The following DYNC1I1 variants were observed in gnomAD, a reference collection of about 807,000 sequenced individuals.
DYNC1I1 encodes the protein cytoplasmic dynein 1 intermediate chain 1.
DYNC1I1 carries 43 observed loss-of-function variants against 86.6 expected under a neutral mutation model. The ratio of observed to expected loss-of-function variants is 0.50; its 90% CI spans 0.39 to 0.64. The LOEUF (loss-of-function observed/expected upper bound fraction) is 0.64, where lower values mean the gene tolerates loss of function less well. DYNC1I1 is among the 30% of genes least tolerant of loss of function. The pLI is 0.00. For missense variants in DYNC1I1, 604 were observed against 788.8 expected (o/e 0.77, Z 2.81); for synonymous variants, 262 against 283.7 (o/e 0.92, Z 0.77).
intron 6 of DYNC1I1, among the ~76,000 whole-genome samples, chr7:95,928,293 A>G (rs1791798822): frequency 6.6e-6 from 1 of 152,182 alleles, no homozygotes; most frequent in South Asian, 2.1e-4. Context: ...AACCTCCTCC[A>G]GGTATTTTCT....
At chr7:96,050,200 G>A (rs539620488) in intron 14 of DYNC1I1, among the ~76,000 whole-genome samples, 98 of 152,242 alleles carry the variant, frequency 6.4e-4, no homozygotes, top group Non-Finnish European at 1.1e-3. Context: ...AAGGAAGTCT[G>A]TATTCGAGGG....
intron 10 of DYNC1I1, among the ~76,000 whole-genome samples, chr7:95,999,756 C>T (rs1793964345): frequency 6.6e-6 from 1 of 152,094 alleles, no homozygotes; most frequent in Non-Finnish European, 1.5e-5. Flanking sequence ...TGCTGAGTGA[C>T]CCTGGGTGAG....
At chr7:96,001,622 C>T (rs1408595662) in intron 10 of DYNC1I1, among the ~76,000 whole-genome samples, 2 of 152,146 alleles carry the variant, frequency 1.3e-5, no homozygotes, top group Admixed American at 1.3e-4. Flanking sequence ...TAGCCTTACA[C>T]ATAATGTAAT....
chr7:95,949,974 CT>C (rs59942915), intron 6 of DYNC1I1, among the ~76,000 whole-genome samples: 96,931 of 149,934 alleles, frequency 0.65, 32,718 homozygotes, highest in East Asian at 0.86. Flanking sequence ...TCTCATCTTT[CT>C]TTTTTTTTTT....
At chr7:96,029,372 G>A (rs1454067594) in intron 11 of DYNC1I1, among the ~76,000 whole-genome samples, 2 of 152,244 alleles carry the variant, frequency 1.3e-5, no homozygotes, top group East Asian at 3.9e-4. Flanking sequence ...GCTTGATGCA[G>A]GTGTTTGGTG....
At chr7:96,093,171 A>G (rs2116320776) in intron 16 of DYNC1I1, among the ~76,000 whole-genome samples, 2 of 152,314 alleles carry the variant, frequency 1.3e-5, no homozygotes, top group East Asian at 1.9e-4. Flanking sequence ...GTTCAATTTG[A>G]CTGACAATTT....
At chr7:95,989,864 T>C (rs556910738) in intron 9 of DYNC1I1, among the ~76,000 whole-genome samples, 1 of 152,250 alleles carries the variant, frequency 6.6e-6, no homozygotes, top group East Asian at 1.9e-4. Context: ...CACAACACTG[T>C]TGAGGGGTTC....
At chr7:95,888,633 GA>G (rs1298866111) in intron 6 of DYNC1I1, among the ~76,000 whole-genome samples, 6 of 151,920 alleles carry the variant, frequency 3.9e-5, no homozygotes, top group Admixed American at 3.9e-4. Flanking sequence ...ATTTTTCTTA[GA>G]CAAAAAAATT....
chr7:96,025,320 A>T (rs1794650757), intron 10 of DYNC1I1, among the ~76,000 whole-genome samples: 1 of 151,920 alleles, frequency 6.6e-6, no homozygotes, highest in Non-Finnish European at 1.5e-5. Context: ...CATATATGTC[A>T]TGTAATACAT....
intron 5 of DYNC1I1, among the ~76,000 whole-genome samples, chr7:95,847,931 A>G (rs1290890939): frequency 1.3e-5 from 2 of 151,976 alleles, no homozygotes; most frequent in Non-Finnish European, 2.9e-5. Flanking sequence ...TTATTATGTG[A>G]CTCACCCATG....
chr7:95,934,388 A>G (rs2116420500), intron 6 of DYNC1I1, among the ~76,000 whole-genome samples: 1 of 152,330 alleles, frequency 6.6e-6, no homozygotes, highest in East Asian at 1.9e-4. Flanking sequence ...TCAACATATA[A>G]GTGGGAATTT....
intron 5 of DYNC1I1, among the ~76,000 whole-genome samples, chr7:95,867,472 A>G (rs1790043563): frequency 6.6e-6 from 1 of 152,228 alleles, no homozygotes; most frequent in Non-Finnish European, 1.5e-5. Flanking sequence ...CTATGAACCC[A>G]GTTTCAGAAT....
chr7:95,976,813 G>A (rs1793315566), intron 6 of DYNC1I1, among the ~76,000 whole-genome samples: 1 of 152,166 alleles, frequency 6.6e-6, no homozygotes, highest in South Asian at 2.1e-4. Flanking sequence ...TCTAGGAAAG[G>A]CAAGTTGAGA....
intron 16 of DYNC1I1, among the ~76,000 whole-genome samples, chr7:96,108,250 T>C (rs557170048): frequency 3.3e-5 from 5 of 152,176 alleles, no homozygotes; most frequent in Admixed American, 2.6e-4. Flanking sequence ...TTTGAGTGTA[T>C]GTTTACTGTC....
At chr7:95,908,775 C>T (rs1036344181) in intron 6 of DYNC1I1, among the ~76,000 whole-genome samples, 1 of 152,066 alleles carries the variant, frequency 6.6e-6, no homozygotes, top group East Asian at 1.9e-4. Context: ...GCAGAGTGCT[C>T]GGCAGGGCAT....
At chr7:96,107,999 C>CT (rs1287534054) in intron 16 of DYNC1I1, among the ~76,000 whole-genome samples, 1 of 150,768 alleles carries the variant, frequency 6.6e-6, no homozygotes, top group Admixed American at 6.7e-5. Flanking sequence ...TTGCTTCTCT[C>CT]TTGCTGCCTT....
intron 1 of DYNC1I1, chr7:95,804,517 TA>T: frequency 1.1e-6 from 1 of 874,296 alleles, no homozygotes; most frequent in Non-Finnish European, 1.6e-6. Context: ...TATATATACC[TA>T]AAAGGGAAAT....
chr7:95,986,942 A>G (rs1393490864), intron 8 of DYNC1I1, 114 bp from the exon 9 acceptor site: 1 of 839,370 alleles, frequency 1.2e-6, no homozygotes, highest in Non-Finnish European at 2.0e-6. Context: ...AGTCTAGATT[A>G]ACATTTTGGC....
intron 1 of DYNC1I1, among the ~76,000 whole-genome samples, chr7:95,791,798 A>G (rs1245616185): frequency 6.6e-6 from 1 of 152,210 alleles, no homozygotes; most frequent in Non-Finnish European, 1.5e-5. Flanking sequence ...ATATAATGGT[A>G]GTGATTTAGT....
Sources: allele counts gnomAD v4.1 joint callset (sites outside exome capture counted in the v4.1 genomes callset), GRCh38; gene constraint gnomAD v4.1.1; transcripts MANE v1.5; gene names NCBI Gene and HGNC (gene_info 2026-07-23, HGNC 2026-07-21).